SNTG1: variants seen among roughly 807,000 people sequenced by gnomAD.
SNTG1 encodes gamma-1-syntrophin.
Under a neutral mutation model 74.7 loss-of-function variants are expected in SNTG1, and 39 were observed. That is an observed-to-expected ratio of 0.52 (90% CI 0.40 to 0.68). The LOEUF (loss-of-function observed/expected upper bound fraction) is 0.68. Ranked by LOEUF, SNTG1 falls within the 30% of genes least tolerant of loss-of-function variation. SNTG1 has a pLI of 0.00. For synonymous variants in SNTG1, 254 were observed against 217.1 expected (o/e 1.17, Z -1.49); for missense variants, 685 against 609.5 (o/e 1.12, Z -1.30).
At chr8:50,319,002 T>C (rs1426473392) in intron 2 of SNTG1, among the ~76,000 whole-genome samples, 2 of 151,928 alleles carry the variant, frequency 1.3e-5, no homozygotes, top group Non-Finnish European at 1.5e-5. Flanking sequence ...TATATGTGTG[T>C]ATATACACAC....
intron 11 of SNTG1, among the ~76,000 whole-genome samples, chr8:50,545,124 C>T (rs753184778): frequency 1.3e-5 from 2 of 151,694 alleles, no homozygotes; most frequent in Admixed American, 6.6e-5. Flanking sequence ...TTCTTGGTTG[C>T]TTTTTTTCCA....
At chr8:50,692,970 GCCTT>G (rs1253105473) in intron 15 of SNTG1, among the ~76,000 whole-genome samples, 30 of 152,326 alleles carry the variant, frequency 2.0e-4, no homozygotes, top group African/African-American at 7.0e-4. Flanking sequence ...CCCTCCCCAA[GCCTT>G]GCTGCCACCT....
Position 50,118,532 on chromosome 8 carries a change from T to C in SNTG1, c.-102-54029T>C, listed in dbSNP as rs7825290. 8.7e-3 allele frequency among the ~76,000 whole-genome samples: 841 copies of C among 97,022 alleles called. 105 individuals carry two copies. The highest frequency in any genetic ancestry group is 0.026 in the African/African-American group (774 of 29,580). 63.7% of individuals were successfully genotyped at this position (97,022 alleles called of 152,430 possible). On this transcript the variant is annotated intron_variant, in intron 1 of 18. Transcript: ENST00000642720. Reference sequence around the variant, plus strand: ...TAAGGAAATAGAAGCAAAGAGGATGTTAGTTATTGACTCTGGACACATAGC... The same window carrying C: ...TAAGGAAATAGAAGCAAAGAGGATGCTAGTTATTGACTCTGGACACATAGC...
rs1344707234 is a variant in SNTG1 at position 50,793,473 on chromosome 8, T to C, written c.*644T>C. 1 of 152,000 alleles carries C rather than the reference T, an allele frequency of 6.6e-6. No homozygotes were observed. The highest frequency in any genetic ancestry group is 1.5e-5 in the Non-Finnish European group (1 of 67,902). The allele number at this position is 152,000 out of a possible 1,614,324, so 9.4% of individuals were successfully genotyped here. A position where few individuals can be genotyped will look rare whatever the true frequency, so the allele number is the denominator to read the frequency against. ...ACATTGACCCATGATAGATACAATGTGAAATGGACTATTCTCCCTTGGATC... is the reference window on the plus strand; with the variant it reads ...ACATTGACCCATGATAGATACAATGCGAAATGGACTATTCTCCCTTGGATC... On this transcript the variant is annotated 3_prime_UTR_variant, in exon 19 of 19. Coordinates refer to ENST00000642720, the MANE Select transcript of SNTG1 (RefSeq NM_018967.5).
At chr8:50,518,754 G>A (rs2094154893) in intron 9 of SNTG1, among the ~76,000 whole-genome samples, 1 of 152,148 alleles carries the variant, frequency 6.6e-6, no homozygotes, top group African/African-American at 2.4e-5. Context: ...GACTAAATCA[G>A]GAGGATGTCG....
At chr8:50,221,044 ATATAT>A (rs1464378905) in intron 2 of SNTG1, among the ~76,000 whole-genome samples, 1 of 152,176 alleles carries the variant, frequency 6.6e-6, no homozygotes, top group Non-Finnish European at 1.5e-5. Context: ...CTGGTATTAC[ATATAT>A]TATATTATCT....
intron 2 of SNTG1, among the ~76,000 whole-genome samples, chr8:50,276,440 T>C (rs1304992286): frequency 6.7e-6 from 1 of 150,044 alleles, no homozygotes; most frequent in African/African-American, 2.5e-5. Flanking sequence ...AACAAAAAAA[T>C]ACAGGTTCTT....
intron 1 of SNTG1, among the ~76,000 whole-genome samples, chr8:50,126,183 A>G (rs1382713588): frequency 3.3e-5 from 5 of 152,140 alleles, no homozygotes; most frequent in Non-Finnish European, 5.9e-5. Flanking sequence ...TGCATGACTC[A>G]GTAATGAAAA....
At chr8:50,019,022 G>C (rs978056933) in intron 1 of SNTG1, among the ~76,000 whole-genome samples, 2 of 152,002 alleles carry the variant, frequency 1.3e-5, no homozygotes, top group African/African-American at 4.8e-5. Flanking sequence ...AATAGAGATA[G>C]AAAGTAGACT....
chr8:50,442,918 G>T (rs1042317571), intron 5 of SNTG1, among the ~76,000 whole-genome samples: 3 of 152,096 alleles, frequency 2.0e-5, no homozygotes, highest in Non-Finnish European at 4.4e-5. Flanking sequence ...GCTTTTCCCT[G>T]CTTGCAGCAC....
In SNTG1 at chr8:50,553,069, A is replaced by G; in HGVS notation, c.700A>G (p.Ile234Val). 1 of 1,613,894 alleles carries G rather than the reference A, an allele frequency of 6.2e-7. No homozygotes were observed. The highest frequency in any genetic ancestry group is 8.5e-7 in the Non-Finnish European group (1 of 1,179,832). ...CTGCAGGCAGAATGCCTTTCAAGTC[A>G]TTGCTGTGGATGGGGTCTGCACTGG... The part of the protein sequence containing the change: ...DLSRQNAFQV[I>V]AVDGVCTGII... The change falls in exon 12 of 19, where the codon ATT becomes GTT. Residue 234 changes from isoleucine (I) to valine (V), a missense_variant. By Grantham distance (29) the Ile-to-Val change is conservative. Coordinates refer to ENST00000642720, the MANE Select transcript of SNTG1 (RefSeq NM_018967.5).
intron 4 of SNTG1, among the ~76,000 whole-genome samples, chr8:50,415,798 A>C (rs1033441569): frequency 3.3e-5 from 5 of 152,176 alleles, no homozygotes; most frequent in Non-Finnish European, 5.9e-5. Context: ...TATAAGTGGA[A>C]TGTGGGTAAC....
At chr8:50,209,873 G>A (rs2084429279) in intron 2 of SNTG1, among the ~76,000 whole-genome samples, 1 of 152,046 alleles carries the variant, frequency 6.6e-6, no homozygotes, top group Non-Finnish European at 1.5e-5. Context: ...GATGGAGAAT[G>A]ACTTTGTTGA....
At chr8:50,237,233 T>A (rs548005937) in intron 2 of SNTG1, among the ~76,000 whole-genome samples, 18 of 152,310 alleles carry the variant, frequency 1.2e-4, no homozygotes, top group African/African-American at 4.3e-4. Flanking sequence ...TGCTTTTCTA[T>A]GGAGTAGGTT....
intron 1 of SNTG1, among the ~76,000 whole-genome samples, chr8:49,930,882 T>C (rs1171494751): frequency 2.0e-5 from 3 of 152,254 alleles, no homozygotes; most frequent in South Asian, 2.1e-4. Context: ...ATAAACTTTG[T>C]TTAGATACCA....
intron 15 of SNTG1, among the ~76,000 whole-genome samples, chr8:50,702,068 C>G (rs1358200463): frequency 0.021 from 2 of 94 alleles, no homozygotes. Flanking sequence ...ACAGTCTGGT[C>G]TGGAACTCCC....
chr8:50,608,320 TA>T, intron 13 of SNTG1, among the ~76,000 whole-genome samples: 1 of 151,892 alleles, frequency 6.6e-6, no homozygotes, highest in East Asian at 1.9e-4. Flanking sequence ...AACTCTCATT[TA>T]AAAATTTTTT....
intron 9 of SNTG1, among the ~76,000 whole-genome samples, chr8:50,517,876 T>C (rs1169277902): frequency 2.0e-5 from 3 of 152,162 alleles, no homozygotes; most frequent in African/African-American, 4.8e-5. Context: ...AACACCCCAC[T>C]GTCAATATTA....
chr8:50,423,639 C>T (rs973633681), intron 4 of SNTG1, among the ~76,000 whole-genome samples: 1 of 152,170 alleles, frequency 6.6e-6, no homozygotes, highest in Admixed American at 6.5e-5. Context: ...GCAGTATTTT[C>T]AAGCCAACTA....
Sources: allele counts gnomAD v4.1 joint callset (sites outside exome capture counted in the v4.1 genomes callset), GRCh38; gene constraint gnomAD v4.1.1; transcripts MANE v1.5; gene names NCBI Gene and HGNC (gene_info 2026-07-23, HGNC 2026-07-21).